HIF1A: variants seen among roughly 807,000 people sequenced by gnomAD.
HIF1A encodes hypoxia inducible factor 1 subunit alpha.
In HIF1A, 24 loss-of-function variants were observed where a neutral mutation model predicts 92.7. The ratio of observed to expected loss-of-function variants is 0.26; its 90% CI spans 0.19 to 0.36. HIF1A has a LOEUF of 0.36. Among genes scored for constraint, HIF1A ranks in the 10% least tolerant of loss-of-function variants. HIF1A has a pLI of 1.00. For synonymous variants in HIF1A, 319 were observed against 338.7 expected (o/e 0.94, Z 0.64); for missense variants, 799 against 998.5 (o/e 0.80, Z 2.69).
At chr14:61,705,311 CA>C (rs549343130) in intron 1 of HIF1A, among the ~76,000 whole-genome samples, 138 of 152,226 alleles carry the variant, frequency 9.1e-4, no homozygotes, top group Non-Finnish European at 1.6e-3. Flanking sequence ...ATGGAGAGAT[CA>C]TTTAGATGAT....
At chr14:61,725,614 C>T (rs2140141382) in intron 4 of HIF1A, among the ~76,000 whole-genome samples, 1 of 152,212 alleles carries the variant, frequency 6.6e-6, no homozygotes, top group Middle Eastern at 3.4e-3. Flanking sequence ...GGGGTTTTGC[C>T]ATGATGGCCA....
intron 1 of HIF1A, among the ~76,000 whole-genome samples, chr14:61,713,552 G>T (rs1392486937): frequency 6.6e-6 from 1 of 152,090 alleles, no homozygotes. Flanking sequence ...CTAAGGAGTG[G>T]GAGGCCATTT....
At chr14:61,723,457 C>T (rs1020965186) in intron 4 of HIF1A, among the ~76,000 whole-genome samples, 1 of 152,198 alleles carries the variant, frequency 6.6e-6, no homozygotes, top group South Asian at 2.1e-4. Flanking sequence ...TCCTTTGGAG[C>T]GCTTTTCATA....
At position 61,726,830 on chromosome 14, in the gene HIF1A, T is replaced by G. The variant is rs1244411404; in HGVS notation, c.570+12T>G. 7.1e-7 allele frequency: 1 copy of G among 1,402,950 alleles called. No individual in the cohort carries two copies. The highest frequency in any genetic ancestry group is 1.8e-5 in the Admixed American group (1 of 54,236). 86.9% of individuals were successfully genotyped at this position (1,402,950 alleles called of 1,614,324 possible). A position where few individuals can be genotyped will look rare whatever the true frequency, so the allele number is the denominator to read the frequency against. On this transcript the variant is annotated intron_variant, in intron 5 of 14. Transcript: ENST00000337138. ...CTGCAACATGGAAGGTAAGTGAAAA[T>G]TATTTGTGATTGATTATACACTTTA...
chr14:61,723,082 G>A lies in HIF1A; in HGVS notation c.457+1259G>A, dbSNP rs116940066. Among the ~76,000 whole-genome samples, 416 of 152,242 alleles carry A rather than the reference G, an allele frequency of 2.7e-3. 2 individuals carry two copies. The highest frequency in any genetic ancestry group is 4.8e-3 in the Non-Finnish European group (327 of 67,990). Reference sequence around the variant, plus strand: ...AGTTACCACAAGGAAAATTTCTTATGTTCTGCTGTTCTTTGTTGCTCTCCA... The same window carrying A: ...AGTTACCACAAGGAAAATTTCTTATATTCTGCTGTTCTTTGTTGCTCTCCA... On this transcript the variant is annotated intron_variant, in intron 4 of 14. Transcript: ENST00000337138.
Position 61,745,749 on chromosome 14 carries a change from G to A in HIF1A, c.2261G>A (p.Arg754His), listed in dbSNP as rs1253917751. Residue 754 changes from arginine to histidine, a missense_variant, in exon 14 of 15, where the codon CGT becomes CAT. Physicochemically the swap from Arg to His is conservative, Grantham distance 29. This residue lies in a region of HIF1A where 283 missense variants were observed against 277.5 expected (regional missense o/e 1.02). Transcript: ENST00000337138. The part of the protein sequence containing the change: ...HAATTSLSWK[R>H]VKGCKSSEQN... ...GCTACTACATCACTTTCTTGGAAAC[G>A]TGTAAAAGGATGCAAATCTAGTGAA... is the stretch of plus-strand genomic sequence containing the variant. 2 of 1,611,396 alleles carry A rather than the reference G, an allele frequency of 1.2e-6. No homozygotes were observed. The highest frequency in any genetic ancestry group is 8.5e-7 in the Non-Finnish European group (1 of 1,177,542).
At chr14:61,721,466 A>G (rs765456662) in intron 2 of HIF1A, 43 bp from the exon 3 acceptor site, 5 of 1,531,624 alleles carry the variant, frequency 3.3e-6, no homozygotes, top group Non-Finnish European at 4.5e-6. Context: ...ATTTAAGTAC[A>G]ACTTTTTAAC....
chr14:61,747,059 C>T lies in HIF1A; in HGVS notation c.2455C>T (p.Leu819Phe). The change falls in exon 15 of 15, where the codon CTC (leucine) becomes TTC (phenylalanine). Residue 819 changes from leucine (L) to phenylalanine (F), a missense_variant. This residue lies in a region of HIF1A where 283 missense variants were observed against 277.5 expected (regional missense o/e 1.02). Transcript: ENST00000337138. ...SRNLLQGEEL[L>F]RALDQVN ...AAACCTACTGCAGGGTGAAGAATTA[C>T]TCAGAGCTTTGGATCAAGTTAACTG... 6.2e-7 allele frequency: 1 copy of T among 1,610,934 alleles called. No individual in the cohort carries two copies. The highest frequency in any genetic ancestry group is 8.5e-7 in the Non-Finnish European group (1 of 1,179,282).
intron 6 of HIF1A, among the ~76,000 whole-genome samples, chr14:61,731,081 T>C (rs1201065017): frequency 2.6e-5 from 4 of 152,200 alleles, no homozygotes. Context: ...ATGGAAGATC[T>C]TGCCTTTAAG....
At position 61,715,113 on chromosome 14, in the gene HIF1A, T is replaced by C. The variant is rs375700846; in HGVS notation, c.36-5269T>C. Among the ~76,000 whole-genome samples, 4 of 152,304 alleles carry C rather than the reference T, an allele frequency of 2.6e-5. No homozygotes were observed. The East Asian group carries it at 5.8e-4, about 22-fold the overall frequency. On this transcript the variant is annotated intron_variant, in intron 1 of 14. Transcript: ENST00000337138. ...ACACCAACAATGTTGAACTTAGATA[T>C]TGAAATAGCTGCTCTGTACAAATAA... is the stretch of plus-strand genomic sequence containing the variant.
intron 1 of HIF1A, chr14:61,697,592 C>T: frequency 1.4e-6 from 1 of 713,460 alleles, no homozygotes; most frequent in Non-Finnish European, 1.8e-6. Flanking sequence ...AGATTTTCCT[C>T]AGCCCATCTG....
In HIF1A at chr14:61,727,506, T is replaced by G; in HGVS notation, c.624T>G (p.Pro208=). Residue 208 remains proline, a synonymous_variant, in exon 6 of 15, where the codon CCT becomes CCG. Coordinates refer to ENST00000337138, the MANE Select transcript of HIF1A (RefSeq NM_001530.4). The stretch of plus-strand genomic sequence containing the variant: ...TATATGATACCAACAGTAACCAACC[T>G]CAGTGTGGGTATAAGAAACCACCTA... ...IHVYDTNSNQ[P]QCGYKKPPMT... 1 of 1,613,876 alleles carries G rather than the reference T, an allele frequency of 6.2e-7. No homozygotes were observed. The highest frequency in any genetic ancestry group is 8.5e-7 in the Non-Finnish European group (1 of 1,179,886).
intron 1 of HIF1A, among the ~76,000 whole-genome samples, chr14:61,707,103 C>T (rs766610512): frequency 5.9e-5 from 9 of 152,158 alleles, no homozygotes; most frequent in Non-Finnish European, 1.3e-4. Context: ...TAGTTTTGAG[C>T]GTTGCTCTTT....
At chr14:61,746,866 T>G in intron 14 of HIF1A, 68 bp from the exon 15 acceptor site, 3 of 1,253,010 alleles carry the variant, frequency 2.4e-6, no homozygotes, top group African/African-American at 1.5e-5. Flanking sequence ...ACCTAACACA[T>G]TGTGGGTGTT....
intron 1 of HIF1A, among the ~76,000 whole-genome samples, chr14:61,697,315 C>T (rs757049574): frequency 6.6e-6 from 1 of 152,084 alleles, no homozygotes; most frequent in Non-Finnish European, 1.5e-5. Flanking sequence ...GTTTATTTTG[C>T]GGAGGTGATT....
At chr14:61,703,359 T>G (rs1488539974) in intron 1 of HIF1A, among the ~76,000 whole-genome samples, 1 of 152,180 alleles carries the variant, frequency 6.6e-6, no homozygotes, top group East Asian at 1.9e-4. Flanking sequence ...TTATTGCAAG[T>G]AGCAAAATAC....
chr14:61,702,163 C>T (rs1345217588), intron 1 of HIF1A, among the ~76,000 whole-genome samples: 2 of 151,336 alleles, frequency 1.3e-5, no homozygotes, highest in African/African-American at 4.9e-5. Flanking sequence ...CACGGTGGCT[C>T]CTGCCTGTAA....
chr14:61,695,918 C>T (rs2044108285), intron 1 of HIF1A, 79 bp downstream of exon 1: 2 of 1,389,486 alleles, frequency 1.4e-6, no homozygotes, highest in Non-Finnish European at 2.0e-6. Flanking sequence ...CTGGGCCGGC[C>T]TCGGCGTTAA....
chr14:61,726,854 T>C, intron 5 of HIF1A, 36 bp downstream of exon 5: 2 of 1,135,766 alleles, frequency 1.8e-6, no homozygotes, highest in South Asian at 2.7e-5. Context: ...TTATACACTT[T>C]ATTTATACAT....
Sources: gnomAD v4.1 joint callset for allele counts (sites outside exome capture counted in the v4.1 genomes callset) on GRCh38, gnomAD v4.1.1 for gene constraint, gnomAD v4.1.1 regional missense constraint, MANE v1.5 for transcripts, NCBI Gene and HGNC (gene_info 2026-07-23, HGNC 2026-07-21) for gene names.